The following LETM1 variants were observed in gnomAD, a reference collection of about 807,000 sequenced individuals.
LETM1 encodes leucine zipper and EF-hand containing transmembrane protein 1.
Under a neutral mutation model 74.5 loss-of-function variants are expected in LETM1, and 50 were observed. The ratio of observed to expected loss-of-function variants is 0.67; its 90% CI spans 0.53 to 0.85. The LOEUF (loss-of-function observed/expected upper bound fraction) is 0.85, where lower values mean the gene tolerates loss of function less well. Among genes scored for constraint, LETM1 ranks in the 40% least tolerant of loss-of-function variants. The pLI, the probability that LETM1 is intolerant of heterozygous loss-of-function variation, is 0.00. For synonymous variants in LETM1, 446 were observed against 407.1 expected (o/e 1.10, Z -1.15); for missense variants, 824 against 967.8 (o/e 0.85, Z 1.97).
chr4:1,822,435 C>T (rs994834781), intron 9 of LETM1, 123 bp from the exon 10 acceptor site: 1 of 1,133,998 alleles, frequency 8.8e-7, no homozygotes, highest in African/African-American at 1.6e-5. Flanking sequence ...TGACATTGGG[C>T]AGCACACCTG....
intron 2 of LETM1, among the ~76,000 whole-genome samples, chr4:1,844,259 T>C (rs1392665841): frequency 6.6e-6 from 1 of 152,128 alleles, no homozygotes; most frequent in Non-Finnish European, 1.5e-5. Flanking sequence ...GATTTAGAAA[T>C]AAAAATAGCC....
intron 1 of LETM1, among the ~76,000 whole-genome samples, chr4:1,852,346 G>A (rs1453174031): frequency 6.6e-6 from 1 of 152,110 alleles, no homozygotes; most frequent in Non-Finnish European, 1.5e-5. Flanking sequence ...CATGGCCAGG[G>A]AGGTCCCGAG....
Position 1,843,536 on chromosome 4 carries a change from C to A in LETM1, c.144-1739G>T, listed in dbSNP as rs544331457. Reference sequence around the variant, plus strand: ...TCTGGGGACCTCCCCCAAAAACTCTCCCAGGCTCAAAATCTTCCCTCAATT... The same window carrying A: ...TCTGGGGACCTCCCCCAAAAACTCTACCAGGCTCAAAATCTTCCCTCAATT... On this transcript the variant is annotated intron_variant, in intron 2 of 13. Transcript: ENST00000302787. 1.3e-4 allele frequency among the ~76,000 whole-genome samples: 20 copies of A among 152,354 alleles called. No individual in the cohort carries two copies. In the South Asian group the frequency reaches 2.3e-3, roughly 17 times the overall value.
chr4:1,833,991 C>T (rs1053812967), intron 5 of LETM1: 2 of 152,318 alleles, frequency 1.3e-5, no homozygotes, highest in Non-Finnish European at 2.9e-5. Flanking sequence ...CCCCCTAAAA[C>T]ATCTTGCTGG....
chr4:1,829,390 G>T (rs1032898083), intron 6 of LETM1, among the ~76,000 whole-genome samples: 3 of 148,722 alleles, frequency 2.0e-5, no homozygotes, highest in Non-Finnish European at 3.0e-5. Context: ...CTGGCCGGGC[G>T]GGGGGCTGAC....
At chr4:1,818,885 G>GCC (rs1711674667) in intron 11 of LETM1, among the ~76,000 whole-genome samples, 1 of 151,362 alleles carries the variant, frequency 6.6e-6, no homozygotes, top group South Asian at 2.1e-4. Context: ...AGTTCGAGAT[G>GCC]AGCCTGGTCA....
chr4:1,833,091 A>G, intron 5 of LETM1, 144 bp from the exon 6 acceptor site: 1 of 685,586 alleles, frequency 1.5e-6, no homozygotes, highest in Non-Finnish European at 2.5e-6. Context: ...TTTTTGTTTG[A>G]GACAGGGTCT....
intron 1 of LETM1, among the ~76,000 whole-genome samples, chr4:1,854,454 TG>T (rs1223802332): frequency 7.0e-6 from 1 of 143,582 alleles, no homozygotes; most frequent in East Asian, 2.0e-4. Context: ...CACTCCAGCC[TG>T]GATGACAGAG....
intron 1 of LETM1, 57 bp from the exon 2 acceptor site, chr4:1,849,266 C>G (rs886484391): frequency 2.3e-6 from 3 of 1,289,562 alleles, no homozygotes; most frequent in Non-Finnish European, 3.4e-6. Flanking sequence ...TATACTGATA[C>G]CTTTTTTTGT....
chr4:1,820,448 A>T (rs1158629529), intron 10 of LETM1, among the ~76,000 whole-genome samples: 1 of 152,144 alleles, frequency 6.6e-6, no homozygotes, highest in Admixed American at 6.5e-5. Context: ...TCTGATCTAT[A>T]TGGTTTTGTT....
At chr4:1,845,197 C>T (rs1712840990) in intron 2 of LETM1, among the ~76,000 whole-genome samples, 1 of 152,074 alleles carries the variant, frequency 6.6e-6, no homozygotes, top group Non-Finnish European at 1.5e-5. Flanking sequence ...CCCCCGCACC[C>T]CCCGAAAAAA....
chr4:1,850,860 G>A (rs533739103), intron 1 of LETM1, among the ~76,000 whole-genome samples: 1 of 151,074 alleles, frequency 6.6e-6, no homozygotes, highest in East Asian at 1.9e-4. Flanking sequence ...CAGCTACTCG[G>A]GAGGCTGAGG....
Position 1,814,264 on chromosome 4 carries a change from T to C in LETM1, c.*160A>G. On this transcript the variant is annotated 3_prime_UTR_variant, in exon 14 of 14. Coordinates refer to ENST00000302787, the MANE Select transcript of LETM1 (RefSeq NM_012318.3). Reference sequence around the variant, plus strand: ...GGATTCCAGACAGACTGAATCTCCGTGGAATGATGAAAATTAAAATTTACT... The same window carrying C: ...GGATTCCAGACAGACTGAATCTCCGCGGAATGATGAAAATTAAAATTTACT... 2 of 1,148,308 alleles carry C rather than the reference T, an allele frequency of 1.7e-6. No individual in the cohort carries two copies. The highest frequency in any genetic ancestry group is 4.7e-5 in the East Asian group (2 of 42,150). 71.1% of individuals were successfully genotyped at this position (1,148,308 alleles called of 1,614,324 possible).
At chr4:1,852,717 C>T (rs1771625108) in intron 1 of LETM1, among the ~76,000 whole-genome samples, 1 of 152,166 alleles carries the variant, frequency 6.6e-6, no homozygotes, top group Non-Finnish European at 1.5e-5. Flanking sequence ...AGGAGTTAAG[C>T]CTGAGCAACA....
rs1446550055 is a variant in LETM1 at position 1,814,940 on chromosome 4, G to C, written c.2071-367C>G. On this transcript the variant is annotated intron_variant, in intron 13 of 13. Transcript: ENST00000302787. ...CTCTGCCACCCAGACTAGCAGGGAA[G>C]GGAAGGGCAGCTGTGCAGTAGATAC... is the stretch of plus-strand genomic sequence containing the variant. 2.0e-5 allele frequency among the ~76,000 whole-genome samples: 3 copies of C among 152,216 alleles called. No individual in the cohort carries two copies. The East Asian group carries it at 5.8e-4, about 29-fold the overall frequency.
At chr4:1,822,508 C>T (rs1711817905) in intron 9 of LETM1, 196 bp from the exon 10 acceptor site, 1 of 464,208 alleles carries the variant, frequency 2.2e-6, no homozygotes, top group African/African-American at 2.0e-5. Flanking sequence ...CTCTCCAGAA[C>T]AGGCTAGAGC....
chr4:1,825,691 A>G lies in LETM1; in HGVS notation c.1081-8T>C, dbSNP rs758729360. On this transcript the variant is annotated splice_region_variant and splice_polypyrimidine_tract_variant and intron_variant, in intron 6 of 13. Coordinates refer to ENST00000302787, the MANE Select transcript of LETM1 (RefSeq NM_012318.3). The stretch of plus-strand genomic sequence containing the variant: ...CCCTTCCTCAGCAATCAGCTAGAAA[A>G]CAAAGCAGTGAATTATCATCTGGGA... The G allele has an allele frequency of 3.1e-6, 5 of 1,610,254 alleles. No homozygotes were observed. In the African/African-American group the frequency reaches 6.7e-5, roughly 22 times the overall value.
At chr4:1,853,004 C>T (rs1466664262) in intron 1 of LETM1, among the ~76,000 whole-genome samples, 1 of 152,206 alleles carries the variant, frequency 6.6e-6, no homozygotes, top group Non-Finnish European at 1.5e-5. Flanking sequence ...CCTACCTGAC[C>T]TCCACCTCCT....
At chr4:1,820,423 T>C (rs1409566144) in intron 10 of LETM1, among the ~76,000 whole-genome samples, 1 of 152,038 alleles carries the variant, frequency 6.6e-6, no homozygotes, top group Non-Finnish European at 1.5e-5. Context: ...GAATAAAGAG[T>C]TTTCCTTTTT....
Sources: gnomAD v4.1 joint callset for allele counts (sites outside exome capture counted in the v4.1 genomes callset) on GRCh38, gnomAD v4.1.1 for gene constraint, MANE v1.5 for transcripts, NCBI Gene and HGNC (gene_info 2026-07-23, HGNC 2026-07-21) for gene names.